The following PDE11A variants were observed in gnomAD, a reference collection of about 807,000 sequenced individuals.
The protein encoded by PDE11A is phosphodiesterase 11A, also known as dual 3',5'-cyclic-AMP and -GMP phosphodiesterase 11A.
In PDE11A, 100 loss-of-function variants were observed where a neutral mutation model predicts 100.5. The observed-to-expected ratio is 1.00, with a 90% CI of 0.85 to 1.18. The LOEUF is 1.18. Ranked by LOEUF, PDE11A falls within the 50% of genes most tolerant of loss-of-function variation. The pLI is 0.00. For synonymous variants in PDE11A, 381 were observed against 420.8 expected (o/e 0.91, Z 1.16); for missense variants, 1,141 against 1,152.6 (o/e 0.99, Z 0.15).
At chr2:177,856,709 T>A (rs1166320930) in intron 5 of PDE11A, among the ~76,000 whole-genome samples, 1 of 152,022 alleles carries the variant, frequency 6.6e-6, no homozygotes, top group African/African-American at 2.4e-5. Flanking sequence ...GAAAAAAGCA[T>A]CATTGAACTT....
In PDE11A at chr2:177,850,863, A is replaced by G. The variant is rs369169847; in HGVS notation, c.1368-10480T>C. ...ACCATCTCACACCAGTTAGAATGGC[A>G]ATCATTAAAAAGTCAGGAAACAACA... On this transcript the variant is annotated intron_variant, in intron 5 of 19. Coordinates refer to ENST00000286063, the MANE Select transcript of PDE11A (RefSeq NM_016953.4). Among the ~76,000 whole-genome samples the G allele has an allele frequency of 7.1e-3, 1,085 of 152,174 alleles. 13 individuals carry two copies. Among genetic ancestry groups the G allele is most frequent in the African/African-American group, 0.024 (1,008 of 41,492 alleles).
At chr2:178,042,468 ACT>A (rs1460225075) in intron 1 of PDE11A, among the ~76,000 whole-genome samples, 161 of 93,904 alleles carry the variant, frequency 1.7e-3, no homozygotes, top group African/African-American at 5.6e-3. Flanking sequence ...ACAGAGCAAG[ACT>A]CTGTCTCAAA....
intron 2 of PDE11A, among the ~76,000 whole-genome samples, chr2:177,908,616 G>A (rs1331868413): frequency 6.6e-6 from 1 of 152,166 alleles, no homozygotes; most frequent in Admixed American, 6.5e-5. Flanking sequence ...TCACAGATAG[G>A]GGCTGTGGCA....
At chr2:178,077,199 A>G (rs766403589), upstream of PDE11A, among the ~76,000 whole-genome samples, 1 of 151,662 alleles carries the variant, frequency 6.6e-6, no homozygotes, top group Non-Finnish European at 1.5e-5. Flanking sequence ...CTCATCCAAC[A>G]ATTCACCAAA....
rs11886258 is a variant in PDE11A at position 177,685,046 on chromosome 2, C to T, written c.2346-4143G>A. Among the ~76,000 whole-genome samples, 930 of 152,246 alleles carry T rather than the reference C, an allele frequency of 6.1e-3. 6 individuals are homozygous for T. Among genetic ancestry groups the T allele is most frequent in the African/African-American group, 0.021 (859 of 41,540 alleles). ...AATTCTATGAGTTATTCCAAGAAAT[C>T]GCTAGAATTAAGCTTCATGAGGACA... On this transcript the variant is annotated intron_variant, in intron 15 of 19. Transcript: ENST00000286063.
rs149160180 is a variant in PDE11A at position 178,041,172 on chromosome 2, T to C, written c.913-26712A>G. On this transcript the variant is annotated intron_variant, in intron 1 of 19. Transcript: ENST00000286063. ...CCAGGCTGGTCTCGAATTGCTGGGC[T>C]CAAGCAATGCTCCTGCCTCAGCCTC... Among the ~76,000 whole-genome samples the C allele has an allele frequency of 2.1e-3, 314 of 152,130 alleles. 2 individuals are homozygous for C. Among genetic ancestry groups the C allele is most frequent in the African/African-American group, 7.3e-3 (301 of 41,496 alleles).
intron 6 of PDE11A, among the ~76,000 whole-genome samples, chr2:177,833,436 G>C (rs2083342122): frequency 6.6e-6 from 1 of 152,182 alleles, no homozygotes; most frequent in South Asian, 2.1e-4. Context: ...TGGTGACTCT[G>C]TTGCCTAGGC....
intron 5 of PDE11A, among the ~76,000 whole-genome samples, chr2:177,841,852 C>T (rs1215845089): frequency 6.6e-6 from 1 of 152,068 alleles, no homozygotes; most frequent in Non-Finnish European, 1.5e-5. Context: ...CTGAGTACTT[C>T]AAAGAGAAGA....
intron 19 of PDE11A, among the ~76,000 whole-genome samples, chr2:177,656,911 G>C (rs977350663): frequency 6.6e-6 from 1 of 152,166 alleles, no homozygotes; most frequent in Non-Finnish European, 1.5e-5. Flanking sequence ...GAAGTGGGCA[G>C]GGTGAAAGGA....
At chr2:177,995,033 G>A (rs1249984586) in intron 2 of PDE11A, among the ~76,000 whole-genome samples, 1 of 152,140 alleles carries the variant, frequency 6.6e-6, no homozygotes, top group Non-Finnish European at 1.5e-5. Flanking sequence ...TCAAACTTGA[G>A]AGAGTAAAGT....
chr2:178,056,473 A>G (rs1393855649), intron 1 of PDE11A, among the ~76,000 whole-genome samples: 1 of 152,208 alleles, frequency 6.6e-6, no homozygotes, highest in Non-Finnish European at 1.5e-5. Context: ...GATATTGCAT[A>G]CCAAGTGTTT....
At chr2:177,862,627 T>G (rs1384832916) in intron 5 of PDE11A, among the ~76,000 whole-genome samples, 1 of 151,712 alleles carries the variant, frequency 6.6e-6, no homozygotes, top group Non-Finnish European at 1.5e-5. Context: ...ACTTTAACCA[T>G]GGAGGTGAAA....
intron 1 of PDE11A, among the ~76,000 whole-genome samples, chr2:178,105,152 A>G (rs879899165): frequency 6.6e-6 from 1 of 152,188 alleles, no homozygotes; most frequent in Non-Finnish European, 1.5e-5. Context: ...TGGAAAATAC[A>G]CAGTTTTAAG....
At chr2:178,094,063 T>A (rs1372347055) in intron 2 of PDE11A, among the ~76,000 whole-genome samples, 2 of 152,178 alleles carry the variant, frequency 1.3e-5, no homozygotes, top group African/African-American at 4.8e-5. Flanking sequence ...ATCCTTATTT[T>A]CCTTCTGCAA....
At chr2:177,650,427 C>T (rs1303566754) in intron 19 of PDE11A, among the ~76,000 whole-genome samples, 1 of 152,142 alleles carries the variant, frequency 6.6e-6, no homozygotes, top group African/African-American at 2.4e-5. Context: ...ATCCATTTAT[C>T]TTCCTTCAGA....
intron 9 of PDE11A, among the ~76,000 whole-genome samples, chr2:177,812,389 A>T (rs1272111066): frequency 1.3e-5 from 2 of 152,110 alleles, no homozygotes; most frequent in Non-Finnish European, 2.9e-5. Flanking sequence ...TTTTGCATGG[A>T]TAAAGTTAGC....
intron 2 of PDE11A, among the ~76,000 whole-genome samples, chr2:177,945,022 G>A (rs142393681): frequency 0.32 from 46,392 of 144,526 alleles, 9,072 homozygotes; most frequent in East Asian, 0.49. Context: ...GGGTTTCGCT[G>A]TGTTGGCCCG....
chr2:178,007,920 C>T (rs1203356935), intron 2 of PDE11A, among the ~76,000 whole-genome samples: 1 of 152,060 alleles, frequency 6.6e-6, no homozygotes, highest in African/African-American at 2.4e-5. Context: ...GTTGGCCAGG[C>T]TGGTCTCGAA....
chr2:177,669,556 A>T lies in PDE11A; in HGVS notation c.2499T>A (p.Leu833=). 1 of 1,433,188 alleles carries T rather than the reference A, an allele frequency of 7.0e-7. No homozygotes were observed. The highest frequency in any genetic ancestry group is 1.1e-5 in the South Asian group (1 of 87,422). 88.8% of individuals were successfully genotyped at this position (1,433,188 alleles called of 1,614,324 possible). A position where few individuals can be genotyped will look rare whatever the true frequency, so the allele number is the denominator to read the frequency against. Residue 833 remains leucine, a synonymous_variant, in exon 18 of 20, where the codon CTT becomes CTA. Coordinates refer to ENST00000286063, the MANE Select transcript of PDE11A (RefSeq NM_016953.4). ...PWEISRQVAE[L]VTSEFFEQGD... is the part of the protein sequence containing the mutation. ...CTTGTTCGAAGAACTCACTGGTTAC[A>T]AGTTCTGCCACCTGAAACATATAAA...
Sources: gnomAD v4.1 joint callset for allele counts (sites outside exome capture counted in the v4.1 genomes callset) on GRCh38, gnomAD v4.1.1 for gene constraint, MANE v1.5 for transcripts, NCBI Gene and HGNC (gene_info 2026-07-23, HGNC 2026-07-21) for gene names.